The following PSMB8 variants were observed in gnomAD, a reference collection of about 807,000 sequenced individuals.
PSMB8 encodes proteasome 20S subunit beta 8.
Under a neutral mutation model 32.3 loss-of-function variants are expected in PSMB8, and 20 were observed. That is an observed-to-expected ratio of 0.62 (90% CI 0.44 to 0.90). PSMB8 has a LOEUF of 0.90. Among genes scored for constraint, PSMB8 ranks in the 40% least tolerant of loss-of-function variants. PSMB8 has a pLI of 0.00. For synonymous variants in PSMB8, 131 were observed against 135.4 expected (o/e 0.97, Z 0.23); for missense variants, 342 against 365.4 (o/e 0.94, Z 0.52).
intron 1 of PSMB8, among the ~76,000 whole-genome samples, chr6:32,843,606 A>C (rs6924102): frequency 6.6e-6 from 1 of 151,948 alleles, no homozygotes; most frequent in African/African-American, 2.4e-5. Flanking sequence ...CAAGGGCAGG[A>C]AAGTTCTCTT....
Position 32,841,607 on chromosome 6 carries a change from T to G in PSMB8, c.666A>C (p.Glu222Asp), listed in dbSNP as rs754578419. ...DSGYRPNLSP[E>D]EAYDLGRRAI... is the part of the protein sequence containing the mutation. Reference sequence around the variant, plus strand: ...CCCTGCGGCCAAGGTCATAGGCCTCTTCAGGGCTAAGATTAGGCCGATAGC... The same window carrying G: ...CCCTGCGGCCAAGGTCATAGGCCTCGTCAGGGCTAAGATTAGGCCGATAGC... The change falls in exon 5 of 6, where the codon GAA (glutamate) becomes GAC (aspartate). Residue 222 changes from glutamate to aspartate, a missense_variant. Physicochemically the swap from Glu to Asp is conservative, Grantham distance 45. Coordinates refer to ENST00000374882, the MANE Select transcript of PSMB8 (RefSeq NM_148919.4). 2.6e-5 allele frequency: 42 copies of G among 1,612,942 alleles called. No individual in the cohort carries two copies. In the South Asian group the frequency reaches 4.4e-4, roughly 17 times the overall value.
chr6:32,841,841 A>C (rs1207903637), intron 4 of PSMB8, 106 bp from the exon 5 acceptor site: 2 of 1,220,454 alleles, frequency 1.6e-6, no homozygotes, highest in Non-Finnish European at 2.4e-6. Context: ...ATATTACCAC[A>C]AGAACATTGG....
chr6:32,843,871 G>A lies in PSMB8; in HGVS notation c.126C>T (p.Leu42=), dbSNP rs1770112216. The change falls in exon 1 of 6, where the codon CTC becomes CTT. Residue 42 remains leucine (L), a synonymous_variant. Transcript: ENST00000374882. ...CGACCTGCATTCCCCGGGGTAAAGC[G>A]AGCTCTGGAGATCGCATAGAGAAAC... ...HYSFSMRSPE[L]ALPRGMQPTE... 6.2e-7 allele frequency: 1 copy of A among 1,612,828 alleles called. No homozygotes were observed. The highest frequency in any genetic ancestry group is 1.7e-5 in the Admixed American group (1 of 60,012).
chr6:32,844,091 A>C (rs1770143381), upstream of PSMB8: 2 of 1,547,762 alleles, frequency 1.3e-6, no homozygotes, highest in Non-Finnish European at 1.7e-6. Flanking sequence ...TCTTTTCCAC[A>C]TCCCCCTGCC....
Position 32,842,997 on chromosome 6 carries a change from G to A in PSMB8, c.240C>T (p.Phe80=), listed in dbSNP as rs529946385. The change falls in exon 2 of 6, where the codon TTC becomes TTT. Residue 80 remains phenylalanine, a synonymous_variant. Transcript: ENST00000374882. ...AHGTTTLAFK[F]QHGVIAAVDS... ...CCACTGCTGCAATCACTCCATGCTG[G>A]AACTTGAAGGCGAGCGTGGTGGTGC... 3.0e-5 allele frequency: 48 copies of A among 1,613,012 alleles called. No individual in the cohort carries two copies. The highest frequency in any genetic ancestry group is 3.9e-5 in the Non-Finnish European group (46 of 1,180,048).
In PSMB8 at chr6:32,841,672, C is replaced by T; in HGVS notation, c.601G>A (p.Gly201Ser). 6.2e-7 allele frequency: 1 copy of T among 1,612,930 alleles called. No individual in the cohort carries two copies. Residue 201 changes from glycine to serine, a missense_variant, in exon 5 of 6, where the codon GGT (glycine) becomes AGT (serine). Gly to Ser is a moderately conservative substitution (Grantham distance 56, BLOSUM62 0). Coordinates refer to ENST00000374882, the MANE Select transcript of PSMB8 (RefSeq NM_148919.4). ...TRLSGNMFST[G>S]SGNTYAYGVM... is the part of the protein sequence containing the mutation. ...CCGTAGGCATAAGTGTTCCCACTAC[C>T]CGTGGAGAACATATTTCCTGAGAGC...
Position 32,840,849 on chromosome 6 carries a change from T to C in PSMB8, c.*110A>G, listed in dbSNP as rs1264839643. 3.4e-6 allele frequency: 3 copies of C among 894,026 alleles called. No homozygotes were observed. Among genetic ancestry groups the C allele is most frequent in the African/African-American group, 1.7e-5 (1 of 60,542 alleles). 55.4% of individuals were successfully genotyped at this position (894,026 alleles called of 1,614,324 possible). On this transcript the variant is annotated 3_prime_UTR_variant, in exon 6 of 6. Transcript: ENST00000374882. ...TCCTCTGGCTGCTGAGCCCGTACTC[T>C]CTCTTTGGCTCAGGCTAGGCCTCTT...
chr6:32,842,224 C>T lies in PSMB8; in HGVS notation c.447G>A (p.Ser149=), dbSNP rs561471558. Residue 149 remains serine, a synonymous_variant, in exon 4 of 6, where the codon TCG becomes TCA. Coordinates refer to ENST00000374882, the MANE Select transcript of PSMB8 (RefSeq NM_148919.4). ...YLRNGERISV[S]AASKLLSNMM... ...TGTTGGACAGCAGCTTGGAGGCTGC[C>T]GACACTGAAATACGTTCTCCATTTC... 50 of 1,613,068 alleles carry T rather than the reference C, an allele frequency of 3.1e-5. No homozygotes were observed. Among genetic ancestry groups the T allele is most frequent in the Middle Eastern group, 1.6e-4 (1 of 6,062 alleles).
chr6:32,842,813 G>C, intron 2 of PSMB8, 30 bp from the exon 3 acceptor site: 1 of 1,608,748 alleles, frequency 6.2e-7, no homozygotes. Context: ...TGGGAGAGAA[G>C]GGATGACCCC....
chr6:32,843,012 C>T lies in PSMB8; in HGVS notation c.225G>A (p.Thr75=), dbSNP rs925520066. The T allele has an allele frequency of 6.2e-6, 10 of 1,612,962 alleles. No individual in the cohort carries two copies. The highest frequency in any genetic ancestry group is 2.2e-5 in the East Asian group (1 of 44,898). Residue 75 remains threonine (T), a synonymous_variant, in exon 2 of 6, where the codon ACG becomes ACA. Transcript: ENST00000374882. ...VQIEMAHGTT[T]LAFKFQHGVI... is the part of the protein sequence containing the mutation. The stretch of plus-strand genomic sequence containing the variant: ...CTCCATGCTGGAACTTGAAGGCGAG[C>T]GTGGTGGTGCCATGGGCCATCTCAA...
chr6:32,841,311 C>T (rs1177058137), intron 5 of PSMB8, among the ~76,000 whole-genome samples: 1 of 152,144 alleles, frequency 6.6e-6, no homozygotes, highest in Non-Finnish European at 1.5e-5. Flanking sequence ...CATCTTGGCT[C>T]ACTGCAAGCT....
At chr6:32,843,809 C>T in intron 1 of PSMB8, 41 bp downstream of exon 1, 2 of 1,609,580 alleles carry the variant, frequency 1.2e-6, no homozygotes, top group Non-Finnish European at 1.7e-6. Context: ...TCCTCAGCGC[C>T]CGCCTCCCTG....
rs1490142079 is a variant in PSMB8 at position 32,842,130 on chromosome 6, C to T, written c.537+4G>A. The stretch of plus-strand genomic sequence containing the variant: ...GGGGAACATGAAGAATGGAGAGCAC[C>T]CACCTTCTTATCCCAGCCACAGATC... On this transcript the variant is annotated splice_donor_region_variant and intron_variant, in intron 4 of 5. Coordinates refer to ENST00000374882, the MANE Select transcript of PSMB8 (RefSeq NM_148919.4). 6.2e-7 allele frequency: 1 copy of T among 1,613,072 alleles called. No individual in the cohort carries two copies. The highest frequency in any genetic ancestry group is 1.1e-5 in the South Asian group (1 of 91,088).
In PSMB8 at chr6:32,840,892, C is replaced by T. The variant is rs765101699; in HGVS notation, c.*67G>A. The T allele has an allele frequency of 4.3e-5, 59 of 1,362,742 alleles. No individual in the cohort carries two copies. The highest frequency in any genetic ancestry group is 7.2e-5 in the African/African-American group (5 of 69,666). The allele number at this position is 1,362,742 out of a possible 1,614,324, so 84.4% of individuals were successfully genotyped here. Reference sequence around the variant, plus strand: ...GGCCTCTTCTTCTCCTTGGACTTAACGTGGCTTAGGTCCCTGAGTCGGCCA... The same window carrying T: ...GGCCTCTTCTTCTCCTTGGACTTAATGTGGCTTAGGTCCCTGAGTCGGCCA... On this transcript the variant is annotated 3_prime_UTR_variant, in exon 6 of 6. Transcript: ENST00000374882.
In PSMB8 at chr6:32,841,612, G is replaced by A. The variant is rs1357346015; in HGVS notation, c.661C>T (p.Pro221Ser). 6.2e-7 allele frequency: 1 copy of A among 1,612,992 alleles called. No homozygotes were observed. Among genetic ancestry groups the A allele is most frequent in the Non-Finnish European group, 8.5e-7 (1 of 1,180,032 alleles). ...MDSGYRPNLSPEEAYDLGRRA... is the reference protein window; with the variant it reads ...MDSGYRPNLSSEEAYDLGRRA... ...CGGCCAAGGTCATAGGCCTCTTCAG[G>A]GCTAAGATTAGGCCGATAGCCACTG... is the stretch of plus-strand genomic sequence containing the variant. The change falls in exon 5 of 6, where the codon CCT (proline) becomes TCT (serine). Residue 221 changes from proline to serine, a missense_variant. Coordinates refer to ENST00000374882, the MANE Select transcript of PSMB8 (RefSeq NM_148919.4).
rs1769951218 is a variant in PSMB8 at position 32,842,204 on chromosome 6, G to A, written c.467C>T (p.Ser156Phe). The change falls in exon 4 of 6, where the codon TCC becomes TTC. Residue 156 changes from serine to phenylalanine, a missense_variant. Transcript: ENST00000374882. ...GCCCCGGTACTGGCACATCATGTTG[G>A]ACAGCAGCTTGGAGGCTGCCGACAC... ...ISVSAASKLL[S>F]NMMCQYRGMG... 1.9e-6 allele frequency: 3 copies of A among 1,613,158 alleles called. No homozygotes were observed. The highest frequency in any genetic ancestry group is 2.5e-6 in the Non-Finnish European group (3 of 1,180,052).
chr6:32,844,242 A>G (rs751348000), upstream of PSMB8: 6 of 1,611,924 alleles, frequency 3.7e-6, no homozygotes, highest in African/African-American at 8.0e-5. Context: ...AGGCGCCTTC[A>G]AAAGCCCACT....
intron 1 of PSMB8, 73 bp downstream of exon 1, chr6:32,843,777 C>T (rs1770098830): frequency 6.3e-7 from 1 of 1,581,910 alleles, no homozygotes; most frequent in African/African-American, 1.3e-5. Context: ...CTCTCGCCTC[C>T]TCCTCTCAGG....
intron 1 of PSMB8, 55 bp from the exon 2 acceptor site, chr6:32,843,144 TC>T: frequency 6.3e-7 from 1 of 1,598,984 alleles, no homozygotes; most frequent in Non-Finnish European, 8.6e-7. Flanking sequence ...AGTAAGAGGC[TC>T]CAGGAAAAGG....
Sources: gnomAD v4.1 joint callset for allele counts (sites outside exome capture counted in the v4.1 genomes callset) on GRCh38, gnomAD v4.1.1 for gene constraint, MANE v1.5 for transcripts, NCBI Gene and HGNC (gene_info 2026-07-23, HGNC 2026-07-21) for gene names.